MOB1B: variants seen among roughly 807,000 people sequenced by gnomAD.
MOB1B encodes MOB kinase activator 1B.
MOB1B carries 19 observed loss-of-function variants against 24.4 expected under a neutral mutation model. The observed-to-expected ratio is 0.78, with a 90% CI of 0.54 to 1.14. The LOEUF (loss-of-function observed/expected upper bound fraction) is 1.14, where lower values mean the gene tolerates loss of function less well. MOB1B is among the 50% of genes most tolerant of loss of function. MOB1B has a pLI of 0.00. For missense variants in MOB1B, 243 were observed against 259.6 expected, an observed-to-expected ratio of 0.94 and a Z score of 0.44; for synonymous variants, 76 against 82.1, an observed-to-expected ratio of 0.93 and a Z score of 0.40.
intron 2 of MOB1B, among the ~76,000 whole-genome samples, chr4:70,961,218 A>G (rs1433930542): frequency 6.6e-6 from 1 of 152,220 alleles, no homozygotes; most frequent in Non-Finnish European, 1.5e-5. Flanking sequence ...TTATGTGAAT[A>G]TAGTCTCTCT....
chr4:70,917,204 T>C (rs1421304009), intron 1 of MOB1B, among the ~76,000 whole-genome samples: 1 of 152,198 alleles, frequency 6.6e-6, no homozygotes, highest in Non-Finnish European at 1.5e-5. Flanking sequence ...TGACTGATTA[T>C]GAGGCAACGT....
chr4:70,973,960 C>T (rs1738874787), intron 3 of MOB1B, among the ~76,000 whole-genome samples: 1 of 152,190 alleles, frequency 6.6e-6, no homozygotes, highest in South Asian at 2.1e-4. Flanking sequence ...CTTTCCCAGG[C>T]TCACTGACCT....
intron 1 of MOB1B, among the ~76,000 whole-genome samples, chr4:70,904,995 C>G (rs112593957): frequency 0.011 from 1,636 of 152,190 alleles, 27 homozygotes; most frequent in African/African-American, 0.038. Context: ...AGCATTTGCA[C>G]TATTTGGGGC....
intron 1 of MOB1B, among the ~76,000 whole-genome samples, chr4:70,916,206 T>A (rs1736186785): frequency 6.6e-6 from 1 of 152,068 alleles, no homozygotes; most frequent in Non-Finnish European, 1.5e-5. Context: ...TAGGTGAGAG[T>A]GTGACCAAAA....
At chr4:70,956,279 C>G (rs934518693) in intron 1 of MOB1B, among the ~76,000 whole-genome samples, 1 of 151,784 alleles carries the variant, frequency 6.6e-6, no homozygotes, top group Non-Finnish European at 1.5e-5. Flanking sequence ...TCCTGATTCT[C>G]TGGTTGAAAA....
chr4:70,940,272 G>A (rs1167709118), intron 1 of MOB1B, among the ~76,000 whole-genome samples: 1 of 152,074 alleles, frequency 6.6e-6, no homozygotes, highest in African/African-American at 2.4e-5. Flanking sequence ...AGGTCCATGG[G>A]CACAGGCCCA....
chr4:70,931,201 G>A (rs1302667643), intron 1 of MOB1B, among the ~76,000 whole-genome samples: 2 of 152,108 alleles, frequency 1.3e-5, no homozygotes, highest in African/African-American at 4.8e-5. Flanking sequence ...ACAGAAAGGG[G>A]AGAATGAAAT....
chr4:70,902,329 T>C (rs1331500985), upstream of MOB1B: 29 of 653,058 alleles, frequency 4.4e-5, no homozygotes, highest in East Asian at 8.0e-4. Context: ...CTGGAGTGAT[T>C]CAAGACGAGC....
intron 1 of MOB1B, among the ~76,000 whole-genome samples, chr4:70,953,681 G>T (rs570234366): frequency 6.6e-6 from 1 of 152,198 alleles, no homozygotes; most frequent in Non-Finnish European, 1.5e-5. Context: ...GATGGCTCAT[G>T]CCTGTCATTC....
At chr4:70,981,531 A>G (rs1218385168) in intron 5 of MOB1B, among the ~76,000 whole-genome samples, 3 of 152,230 alleles carry the variant, frequency 2.0e-5, no homozygotes, top group Admixed American at 2.0e-4. Flanking sequence ...GCTTGCAGAT[A>G]CGTTAGTTTG....
rs1578388989 is a variant in MOB1B, at chr4:70,958,927, C to T, written c.68C>T (p.Ser23Phe). ...CCAAAGAAGAACATTCCAGAGGGTT[C>T]TCACCAGTATGAGCTCTTAAAACAC... Reference protein sequence around the residue: ...FKPKKNIPEGSHQYELLKHAE... With the variant: ...FKPKKNIPEGFHQYELLKHAE... The change falls in exon 2 of 6, where the codon TCT (serine) becomes TTT (phenylalanine). Residue 23 changes from serine (S) to phenylalanine (F), a missense_variant. Ser to Phe is a radical substitution (Grantham distance 155). Transcript: ENST00000309395. 6.2e-7 allele frequency: 1 copy of T among 1,614,054 alleles called. No homozygotes were observed. Among genetic ancestry groups the T allele is most frequent in the African/African-American group, 1.3e-5 (1 of 75,012 alleles).
chr4:70,905,923 C>T (rs1321058490), intron 1 of MOB1B, among the ~76,000 whole-genome samples: 1 of 151,674 alleles, frequency 6.6e-6, no homozygotes, highest in African/African-American at 2.4e-5. Context: ...AAAAATTAGC[C>T]AGGTGTGGTG....
intron 1 of MOB1B, among the ~76,000 whole-genome samples, chr4:70,957,226 C>T (rs1315521205): frequency 7.2e-6 from 1 of 139,450 alleles, no homozygotes; most frequent in Non-Finnish European, 1.5e-5. Flanking sequence ...TGCCTCTGCA[C>T]TCCAGCCTGG....
chr4:70,921,867 A>G (rs1359584364), intron 1 of MOB1B, among the ~76,000 whole-genome samples: 1 of 152,146 alleles, frequency 6.6e-6, no homozygotes, highest in East Asian at 1.9e-4. Context: ...TTGAATATGA[A>G]AGTGTTAATT....
At chr4:70,930,179 GAT>G (rs1736833867) in intron 1 of MOB1B, among the ~76,000 whole-genome samples, 1 of 152,122 alleles carries the variant, frequency 6.6e-6, no homozygotes, top group Admixed American at 6.5e-5. Context: ...CACAAACTGA[GAT>G]ATTTAACTCA....
intron 1 of MOB1B, among the ~76,000 whole-genome samples, chr4:70,933,576 G>A (rs1219499864): frequency 1.4e-4 from 15 of 103,678 alleles, no homozygotes; most frequent in Non-Finnish European, 2.0e-4. Context: ...TTTTGAGACA[G>A]AGTCTTGCTC....
upstream of MOB1B, among the ~76,000 whole-genome samples, chr4:70,901,938 G>C (rs367996385): frequency 6.6e-6 from 1 of 152,114 alleles, no homozygotes; most frequent in Non-Finnish European, 1.5e-5. Flanking sequence ...TGAACTGAGA[G>C]ATGCCATTAC....
At chr4:70,951,701 C>G (rs1436593069) in intron 1 of MOB1B, among the ~76,000 whole-genome samples, 1 of 152,144 alleles carries the variant, frequency 6.6e-6, no homozygotes, top group Non-Finnish European at 1.5e-5. Flanking sequence ...AGTTCGAGAC[C>G]AGCTTGGACA....
chr4:70,907,454 C>G (rs1288124347), intron 1 of MOB1B, among the ~76,000 whole-genome samples: 1 of 151,934 alleles, frequency 6.6e-6, no homozygotes, highest in Non-Finnish European at 1.5e-5. Flanking sequence ...TGGAAAAGAC[C>G]AAAGTGTAAT....
Sources: allele counts gnomAD v4.1 joint callset (sites outside exome capture counted in the v4.1 genomes callset), GRCh38; gene constraint gnomAD v4.1.1; transcripts MANE v1.5; gene names NCBI Gene and HGNC (gene_info 2026-07-23, HGNC 2026-07-21).